Variants in PDIA5 observed in about 807,000 individuals in gnomAD.
PDIA5 encodes protein disulfide isomerase family A member 5, also known as protein disulfide-isomerase A5.
In PDIA5, 58 loss-of-function variants were observed where a neutral mutation model predicts 77.6. That is an observed-to-expected ratio of 0.75 (90% CI 0.61 to 0.93). The LOEUF (loss-of-function observed/expected upper bound fraction) is 0.93, where lower values mean the gene tolerates loss of function less well. Ranked by LOEUF, PDIA5 falls within the 40% of genes least tolerant of loss-of-function variation. PDIA5 has a pLI of 0.00. For synonymous variants in PDIA5, 250 were observed against 252.1 expected (o/e 0.99, Z 0.08); for missense variants, 630 against 647.7 (o/e 0.97, Z 0.30).
intron 8 of PDIA5, among the ~76,000 whole-genome samples, chr3:123,120,937 A>G (rs1029917050): frequency 1.3e-5 from 2 of 152,140 alleles, no homozygotes; most frequent in Non-Finnish European, 2.9e-5. Context: ...TCTCCTGACC[A>G]CAGCATTCCC....
chr3:123,070,593 C>T (rs548098374), intron 1 of PDIA5, among the ~76,000 whole-genome samples: 7 of 152,288 alleles, frequency 4.6e-5, no homozygotes, highest in African/African-American at 1.4e-4. Context: ...CTATGGGTGG[C>T]GGTGCCCTCC....
intron 8 of PDIA5, among the ~76,000 whole-genome samples, chr3:123,119,637 G>C (rs1276265109): frequency 6.6e-6 from 1 of 152,192 alleles, no homozygotes; most frequent in Non-Finnish European, 1.5e-5. Flanking sequence ...CCAGAAACTG[G>C]GGACCTGGCT....
intron 7 of PDIA5, among the ~76,000 whole-genome samples, chr3:123,115,140 A>T (rs1437546337): frequency 1.3e-5 from 2 of 152,144 alleles, no homozygotes; most frequent in African/African-American, 4.8e-5. Context: ...GATCAGCCTG[A>T]CACATGGTTC....
chr3:123,090,164 G>A (rs1188878664), intron 2 of PDIA5, among the ~76,000 whole-genome samples: 1 of 152,314 alleles, frequency 6.6e-6, no homozygotes, highest in Non-Finnish European at 1.5e-5. Context: ...TCCCTGGCAC[G>A]TGGGATGTGT....
intron 14 of PDIA5, among the ~76,000 whole-genome samples, chr3:123,154,227 G>C (rs1180865335): frequency 6.6e-6 from 1 of 152,152 alleles, no homozygotes; most frequent in Non-Finnish European, 1.5e-5. Context: ...AGGGGCCCCA[G>C]TATAGCTCAA....
At chr3:123,087,944 C>T (rs192880704) in intron 1 of PDIA5, among the ~76,000 whole-genome samples, 1 of 152,274 alleles carries the variant, frequency 6.6e-6, no homozygotes, top group East Asian at 1.9e-4. Flanking sequence ...AATCTGTTGC[C>T]TGGGGAATAA....
intron 11 of PDIA5, among the ~76,000 whole-genome samples, chr3:123,137,477 A>G (rs962114364): frequency 6.6e-6 from 1 of 151,954 alleles, no homozygotes; most frequent in Non-Finnish European, 1.5e-5. Context: ...AATTTTGTTT[A>G]TGGTGCCTTT....
At chr3:123,089,048 G>T in intron 1 of PDIA5, 120 bp from the exon 2 acceptor site, 1 of 887,242 alleles carries the variant, frequency 1.1e-6, no homozygotes, top group South Asian at 1.7e-5. Context: ...CATGAGATGT[G>T]TTGGTTTGCC....
intron 15 of PDIA5, among the ~76,000 whole-genome samples, chr3:123,157,730 G>A (rs962748074): frequency 8.5e-5 from 13 of 152,336 alleles, no homozygotes; most frequent in Admixed American, 5.2e-4. Context: ...TTTTAGCAGG[G>A]GAGCCTCCAC....
chr3:123,095,604 C>G (rs139530079), intron 3 of PDIA5, among the ~76,000 whole-genome samples: 2 of 152,182 alleles, frequency 1.3e-5, no homozygotes, highest in African/African-American at 4.8e-5. Flanking sequence ...ACAAAATTAG[C>G]TGAGTGTGGT....
intron 3 of PDIA5, among the ~76,000 whole-genome samples, chr3:123,101,906 CT>C (rs71623603): frequency 3.2e-3 from 230 of 71,394 alleles, no homozygotes; most frequent in African/African-American, 9.7e-3. Context: ...TTCTTTCTTG[CT>C]TTTTTTTTTT....
At chr3:123,129,403 G>A (rs1196475683) in intron 10 of PDIA5, among the ~76,000 whole-genome samples, 10 of 152,234 alleles carry the variant, frequency 6.6e-5, no homozygotes, top group South Asian at 2.1e-4. Flanking sequence ...TTCTGAAGGC[G>A]ACATCATACC....
At chr3:123,124,450 A>G in intron 10 of PDIA5, 107 bp downstream of exon 10, 1 of 826,422 alleles carries the variant, frequency 1.2e-6, no homozygotes. Context: ...AAGAATGAGG[A>G]AGGGAATTGT....
chr3:123,097,950 C>T (rs982487810), intron 3 of PDIA5, among the ~76,000 whole-genome samples: 1 of 152,162 alleles, frequency 6.6e-6, no homozygotes, highest in Non-Finnish European at 1.5e-5. Flanking sequence ...CTTTCTACCC[C>T]ACCAGGAGGG....
At position 123,090,268 on chromosome 3, in the gene PDIA5, T is replaced by G. The variant is rs141131868; in HGVS notation, c.169+974T>G. ...GCATGTGACTAGCATTCCTCTGCTG[T>G]CAGGAATAGGGGCGAAATCAAGGGA... On this transcript the variant is annotated intron_variant, in intron 2 of 16. Coordinates refer to ENST00000316218, the MANE Select transcript of PDIA5 (RefSeq NM_006810.4). 3.4e-3 allele frequency among the ~76,000 whole-genome samples: 524 copies of G among 152,268 alleles called. 1 individual carries two copies. Among genetic ancestry groups the G allele is most frequent in the Non-Finnish European group, 5.9e-3 (404 of 68,016 alleles).
chr3:123,098,301 C>G (rs1934493939), intron 3 of PDIA5, among the ~76,000 whole-genome samples: 1 of 152,130 alleles, frequency 6.6e-6, no homozygotes, highest in African/African-American at 2.4e-5. Context: ...TTAGGCTGGA[C>G]TTGTGAAAGA....
chr3:123,156,030 CG>C (rs1936015278), intron 15 of PDIA5, among the ~76,000 whole-genome samples: 1 of 151,904 alleles, frequency 6.6e-6, no homozygotes, highest in South Asian at 2.1e-4. Flanking sequence ...ATCCCAGGGC[CG>C]GGTGGGCAGG....
intron 10 of PDIA5, among the ~76,000 whole-genome samples, chr3:123,129,745 G>A (rs1935330595): frequency 6.6e-6 from 1 of 152,180 alleles, no homozygotes; most frequent in Non-Finnish European, 1.5e-5. Context: ...ACACAGTCAC[G>A]CTGCGGAAAC....
intron 8 of PDIA5, among the ~76,000 whole-genome samples, chr3:123,122,037 G>A (rs901744203): frequency 5.3e-5 from 8 of 152,304 alleles, no homozygotes; most frequent in African/African-American, 1.9e-4. Flanking sequence ...ATCTCAGACT[G>A]TCTTATTCCT....
Sources: allele counts gnomAD v4.1 joint callset (sites outside exome capture counted in the v4.1 genomes callset), GRCh38; gene constraint gnomAD v4.1.1; transcripts MANE v1.5; gene names NCBI Gene and HGNC (gene_info 2026-07-23, HGNC 2026-07-21).